The following HERC2 variants were observed in gnomAD, a reference collection of about 807,000 sequenced individuals.
HERC2 encodes E3 ubiquitin-protein ligase HERC2.
Under a neutral mutation model 537.7 loss-of-function variants are expected in HERC2, and 102 were observed. The ratio of observed to expected loss-of-function variants is 0.19; its 90% CI spans 0.16 to 0.22. The LOEUF (loss-of-function observed/expected upper bound fraction) is 0.22. Ranked by LOEUF, HERC2 falls within the 10% of genes least tolerant of loss-of-function variation. The pLI is 1.00. For synonymous variants in HERC2, 2,224 were observed against 2,466.2 expected (o/e 0.90, Z 2.91); for missense variants, 4,236 against 6,198.2 (o/e 0.68, Z 10.63).
chr15:28,301,777 ATATG>A (rs1302378706), intron 2 of HERC2, among the ~76,000 whole-genome samples: 2 of 99,040 alleles, frequency 2.0e-5, no homozygotes, highest in Non-Finnish European at 3.9e-5. Flanking sequence ...ATATATATAT[ATATG>A]GGTTATATAT....
At chr15:28,127,462 C>G (rs1221206003) in intron 83 of HERC2, among the ~76,000 whole-genome samples, 1 of 152,192 alleles carries the variant, frequency 6.6e-6, no homozygotes, top group Non-Finnish European at 1.5e-5. Flanking sequence ...CAAACTGGAC[C>G]TGGGGATACT....
In HERC2 at chr15:28,174,545, C is replaced by A. The variant is rs757268665; in HGVS notation, c.9907G>T (p.Val3303Leu). 2 of 1,613,050 alleles carry A rather than the reference C, an allele frequency of 1.2e-6. No individual in the cohort carries two copies. The highest frequency in any genetic ancestry group is 8.5e-7 in the Non-Finnish European group (1 of 1,179,226). The change falls in exon 65 of 93, where the codon GTG (valine) becomes TTG (leucine). Residue 3303 changes from valine (V) to leucine (L), a missense_variant. Val to Leu is a conservative substitution (Grantham distance 32). This residue lies in a region of HERC2 where 93 missense variants were observed against 265.1 expected (regional missense o/e 0.35). Coordinates refer to ENST00000261609, the MANE Select transcript of HERC2 (RefSeq NM_004667.6). ...TTTVNRKPTL[V>L]QGLEGQKITR... ...ATCTTCTGGCCTTCTAAGCCTTGCA[C>A]GAGTGTGGGCTTCCTGTTAACCGTG...
chr15:28,297,300 A>T (rs1358357976), intron 3 of HERC2, among the ~76,000 whole-genome samples: 1 of 152,118 alleles, frequency 6.6e-6, no homozygotes, highest in African/African-American at 2.4e-5. Flanking sequence ...GACTTTTGTC[A>T]TCTCCCAAAT....
intron 75 of HERC2, 88 bp downstream of exon 75, chr15:28,142,739 A>G (rs1891350080): frequency 6.7e-7 from 1 of 1,487,282 alleles, no homozygotes; most frequent in South Asian, 1.2e-5. Context: ...TCAGAGGCCT[A>G]AAACACACAC....
intron 10 of HERC2, 58 bp from the exon 11 acceptor site, chr15:28,269,494 G>A (rs1685200789): frequency 2.2e-6 from 3 of 1,363,964 alleles, no homozygotes; most frequent in East Asian, 2.3e-5. Flanking sequence ...AAAAAGGCTG[G>A]GAGTAACACT....
chr15:28,168,788 T>A (rs142436616), intron 66 of HERC2, among the ~76,000 whole-genome samples, 198 bp from the exon 67 acceptor site: 1 of 152,252 alleles, frequency 6.6e-6, no homozygotes, highest in African/African-American at 2.4e-5. Context: ...CTGGATCCTA[T>A]TTATTTGAAA....
At chr15:28,289,599 AC>A (rs1376794185) in intron 4 of HERC2, among the ~76,000 whole-genome samples, 5 of 152,172 alleles carry the variant, frequency 3.3e-5, no homozygotes, top group African/African-American at 4.8e-5. Context: ...GAACGCTGAG[AC>A]TGGCTTCTCT....
In HERC2 at chr15:28,214,278, G is replaced by A; in HGVS notation, c.6359-6C>T. ...GCGCCGCCTCAGCGTGGACTCTGAG[G>A]AGGAAACCAGGGGAGAAGCTGCTGC... On this transcript the variant is annotated splice_region_variant and splice_polypyrimidine_tract_variant and intron_variant, in intron 40 of 92. Coordinates refer to ENST00000261609, the MANE Select transcript of HERC2 (RefSeq NM_004667.6). 8 of 1,610,340 alleles carry A rather than the reference G, an allele frequency of 5.0e-6. No homozygotes were observed. Among genetic ancestry groups the A allele is most frequent in the Non-Finnish European group, 6.8e-6 (8 of 1,178,568 alleles).
chr15:28,272,843 T>C, intron 8 of HERC2, 51 bp downstream of exon 8: 2 of 1,217,272 alleles, frequency 1.6e-6, no homozygotes, highest in Non-Finnish European at 2.4e-6. Context: ...CAACAGGTAT[T>C]TCCATACACA....
chr15:28,287,719 C>CTTTTTTTTT (rs766216433), intron 4 of HERC2, among the ~76,000 whole-genome samples: 2 of 124,822 alleles, frequency 1.6e-5, no homozygotes, highest in Non-Finnish European at 1.6e-5. Context: ...ACTTATTCCT[C>CTTTTTTTTT]TTTTTTTTTT....
At chr15:28,239,234 A>C (rs769712507) in intron 23 of HERC2, among the ~76,000 whole-genome samples, 27 of 152,240 alleles carry the variant, frequency 1.8e-4, no homozygotes, top group Non-Finnish European at 3.4e-4. Context: ...CTGCAGATCG[A>C]AATTGGTGAC....
At chr15:28,297,623 A>C (rs1410660267) in intron 3 of HERC2, among the ~76,000 whole-genome samples, 1 of 152,160 alleles carries the variant, frequency 6.6e-6, no homozygotes, top group East Asian at 1.9e-4. Context: ...GAACCCGACT[A>C]CGTGATTCCA....
intron 65 of HERC2, among the ~76,000 whole-genome samples, chr15:28,173,943 G>A (rs2140133812): frequency 6.6e-6 from 1 of 152,066 alleles, no homozygotes; most frequent in Non-Finnish European, 1.5e-5. Flanking sequence ...AGAGAGGAAC[G>A]CTGGGGTAGT....
At chr15:28,238,934 G>C (rs1181960243) in intron 23 of HERC2, among the ~76,000 whole-genome samples, 162 bp from the exon 24 acceptor site, 1 of 152,016 alleles carries the variant, frequency 6.6e-6, no homozygotes, top group African/African-American at 2.4e-5. Context: ...TACAAATTCT[G>C]TTAAATATAG....
rs747154876 is a variant in HERC2, at chr15:28,202,259, G to A, written c.7481-10C>T. 14 of 1,612,048 alleles carry A rather than the reference G, an allele frequency of 8.7e-6. No homozygotes were observed. Among genetic ancestry groups the A allele is most frequent in the Non-Finnish European group, 1.2e-5 (14 of 1,178,498 alleles). On this transcript the variant is annotated splice_polypyrimidine_tract_variant and intron_variant, in intron 46 of 92. Coordinates refer to ENST00000261609, the MANE Select transcript of HERC2 (RefSeq NM_004667.6). ...ACCAAGGCTTCCACACCTAAGAGAG[G>A]CACACACAGCACAGCAGCCACTGTG...
intron 69 of HERC2, among the ~76,000 whole-genome samples, chr15:28,161,842 T>C (rs946979180): frequency 6.6e-6 from 1 of 152,152 alleles, no homozygotes; most frequent in African/African-American, 2.4e-5. Flanking sequence ...TAGACCCAAA[T>C]GCATACAGGA....
rs144750946 is a variant in HERC2 at position 28,228,240 on chromosome 15, C to A, written c.5442G>T (p.Thr1814=). ...TACCAATCAGGCGCAGTGCCGTCTG[C>A]GTGAGGGCCAGCATGCCGGAATTGA... ...LLLNSGMLAL[T]QTALRLIGPS... Residue 1814 remains threonine, a synonymous_variant, in exon 35 of 93, where the codon ACG becomes ACT. Transcript: ENST00000261609. The A allele has an allele frequency of 4.4e-4, 718 of 1,613,598 alleles. 5 individuals are homozygous for A. The African/African-American group carries it at 8.5e-3, about 19-fold the overall frequency.
At position 28,238,749 on chromosome 15, in the gene HERC2, A is replaced by G. The variant is rs1902725126; in HGVS notation, c.3601T>C (p.Cys1201Arg). The change falls in exon 24 of 93, where the codon TGT becomes CGT. Residue 1201 changes from cysteine to arginine, a missense_variant. Transcript: ENST00000261609. Reference sequence around the variant, plus strand: ...AGTGTCACTTCCTCATTATTTCTACAGTTCTGACCTGTAAAAAATGACTCT... The same window carrying G: ...AGTGTCACTTCCTCATTATTTCTACGGTTCTGACCTGTAAAAAATGACTCT... ...IMESFFTGQNCRNNEEVTLIR... is the reference protein window; with the variant it reads ...IMESFFTGQNRRNNEEVTLIR... 1.2e-6 allele frequency: 2 copies of G among 1,611,192 alleles called. No homozygotes were observed. Among genetic ancestry groups the G allele is most frequent in the Non-Finnish European group, 1.7e-6 (2 of 1,179,144 alleles).
At chr15:28,139,932 G>A (rs571829048) in intron 78 of HERC2, among the ~76,000 whole-genome samples, 3 of 151,334 alleles carry the variant, frequency 2.0e-5, no homozygotes, top group Non-Finnish European at 4.4e-5. Flanking sequence ...GCCAGGCGTG[G>A]TGGCGGGCGC....
Sources: gnomAD v4.1 joint callset for allele counts (sites outside exome capture counted in the v4.1 genomes callset) on GRCh38, gnomAD v4.1.1 for gene constraint, gnomAD v4.1.1 regional missense constraint, MANE v1.5 for transcripts, NCBI Gene and HGNC (gene_info 2026-07-23, HGNC 2026-07-21) for gene names.